The following DOK6 variants were observed in gnomAD, a reference collection of about 807,000 sequenced individuals.
DOK6 encodes the protein docking protein 6.
DOK6 carries 22 observed loss-of-function variants against 44.0 expected under a neutral mutation model. The ratio of observed to expected loss-of-function variants is 0.50; its 90% CI spans 0.36 to 0.71. The LOEUF (loss-of-function observed/expected upper bound fraction) is 0.71, where lower values mean the gene tolerates loss of function less well. DOK6 is among the 30% of genes least tolerant of loss of function. The pLI is 0.00. For missense variants in DOK6, 340 were observed against 416.4 expected (o/e 0.82, Z 1.60); for synonymous variants, 166 against 145.5 (o/e 1.14, Z -1.01).
At chr18:69,810,286 T>A (rs969741833) in intron 7 of DOK6, among the ~76,000 whole-genome samples, 13 of 151,994 alleles carry the variant, frequency 8.6e-5, no homozygotes, top group Non-Finnish European at 2.9e-5. Flanking sequence ...TTCAGACACA[T>A]CTCACATAAT....
chr18:69,830,626 T>C (rs1419402167), intron 7 of DOK6, among the ~76,000 whole-genome samples: 3 of 152,222 alleles, frequency 2.0e-5, no homozygotes, highest in African/African-American at 7.2e-5. Context: ...CATTTTATTA[T>C]GGCAGCCCCA....
At chr18:69,752,330 C>T (rs1979210532) in intron 6 of DOK6, among the ~76,000 whole-genome samples, 1 of 152,086 alleles carries the variant, frequency 6.6e-6, no homozygotes, top group Non-Finnish European at 1.5e-5. Flanking sequence ...GAATTGATGA[C>T]TTTTTAGGGG....
intron 3 of DOK6, among the ~76,000 whole-genome samples, chr18:69,674,825 C>T (rs1041380888): frequency 6.6e-6 from 1 of 152,112 alleles, no homozygotes; most frequent in Non-Finnish European, 1.5e-5. Flanking sequence ...CCACTAGACT[C>T]TATGATTATT....
At chr18:69,840,533 G>C (rs1010533176) in intron 7 of DOK6, among the ~76,000 whole-genome samples, 1 of 152,204 alleles carries the variant, frequency 6.6e-6, no homozygotes, top group Non-Finnish European at 1.5e-5. Context: ...TTCGGTTTGC[G>C]ATAGACTATT....
At chr18:69,554,036 A>G (rs895553424) in intron 1 of DOK6, among the ~76,000 whole-genome samples, 1 of 152,164 alleles carries the variant, frequency 6.6e-6, no homozygotes, top group Admixed American at 6.5e-5. Flanking sequence ...ACAAATAGGG[A>G]GCAATAATAA....
intron 1 of DOK6, among the ~76,000 whole-genome samples, chr18:69,455,194 G>GA (rs60602689): frequency 3.4e-4 from 48 of 141,502 alleles, no homozygotes; most frequent in Non-Finnish European, 4.4e-4. Flanking sequence ...AAGAAAAAAG[G>GA]AAAAAAAAAA....
intron 7 of DOK6, among the ~76,000 whole-genome samples, chr18:69,814,478 C>T (rs916228887): frequency 6.6e-6 from 1 of 152,080 alleles, no homozygotes; most frequent in Non-Finnish European, 1.5e-5. Context: ...CAATCTAGAT[C>T]CCTCCCCTGC....
At chr18:69,597,103 G>T (rs138418410) in intron 2 of DOK6, among the ~76,000 whole-genome samples, 1 of 151,560 alleles carries the variant, frequency 6.6e-6, no homozygotes, top group African/African-American at 2.4e-5. Context: ...TGTAATGTTG[G>T]GTTTGTAACA....
At chr18:69,613,031 C>T (rs1240182314) in intron 3 of DOK6, among the ~76,000 whole-genome samples, 3 of 151,826 alleles carry the variant, frequency 2.0e-5, no homozygotes, top group African/African-American at 7.3e-5. Flanking sequence ...CCACCATGCC[C>T]GGCTAATTTT....
At position 69,847,035 on chromosome 18, in the gene DOK6, G is replaced by C. The variant is rs1982359513; in HGVS notation, c.*5652G>C. On this transcript the variant is annotated 3_prime_UTR_variant, in exon 8 of 8. Coordinates refer to ENST00000382713, the MANE Select transcript of DOK6 (RefSeq NM_152721.6). ...TTCAGACACTTTTCTCCTACCTTAA[G>C]ATTTTAACATCTTGTAAATATTAAT... The C allele has an allele frequency of 6.6e-6, 1 of 152,038 alleles. No homozygotes were observed. The highest frequency in any genetic ancestry group is 1.5e-5 in the Non-Finnish European group (1 of 68,006). The allele number at this position is 152,038 out of a possible 1,614,324, so 9.4% of individuals were successfully genotyped here. A position where few individuals can be genotyped will look rare whatever the true frequency, so the allele number is the denominator to read the frequency against.
chr18:69,480,036 T>C (rs1980375151), intron 1 of DOK6, among the ~76,000 whole-genome samples: 1 of 152,144 alleles, frequency 6.6e-6, no homozygotes, highest in South Asian at 2.1e-4. Flanking sequence ...ACTAATGAGG[T>C]GTTACAGTCT....
intron 3 of DOK6, among the ~76,000 whole-genome samples, chr18:69,646,983 A>G (rs554495208): frequency 6.6e-6 from 1 of 152,218 alleles, no homozygotes; most frequent in South Asian, 2.1e-4. Context: ...TAATCTATCT[A>G]GCTATCTAAT....
rs1377656499 is a variant in DOK6 at position 69,506,702 on chromosome 18, CACAT to C, written c.67-57775_67-57772del. ...CATCTAGAATTGTGAGTAAACATTT[CACAT>C]ACATACATAAATTGTGTGGGAACAT... On this transcript the variant is annotated intron_variant, in intron 1 of 7. Coordinates refer to ENST00000382713, the MANE Select transcript of DOK6 (RefSeq NM_152721.6). Among the ~76,000 whole-genome samples the C allele has an allele frequency of 2.0e-5, 3 of 152,032 alleles. No individual in the cohort carries two copies. The East Asian group carries it at 5.8e-4, about 29-fold the overall frequency.
chr18:69,550,787 T>C (rs938641656), intron 1 of DOK6, among the ~76,000 whole-genome samples: 18 of 147,470 alleles, frequency 1.2e-4, no homozygotes, highest in Admixed American at 5.4e-4. Flanking sequence ...CTTTTTTTTT[T>C]TTTTTTTTTT....
chr18:69,792,211 C>T (rs529192971), intron 7 of DOK6, among the ~76,000 whole-genome samples: 60 of 152,064 alleles, frequency 3.9e-4, no homozygotes, highest in Non-Finnish European at 6.9e-4. Flanking sequence ...GTTCTTTTTG[C>T]TCAGGATAGC....
chr18:69,571,393 C>T (rs2144603190), intron 2 of DOK6, among the ~76,000 whole-genome samples: 1 of 151,806 alleles, frequency 6.6e-6, no homozygotes, highest in South Asian at 2.1e-4. Context: ...AAAGCCAATC[C>T]ATGAATAATT....
intron 3 of DOK6, among the ~76,000 whole-genome samples, chr18:69,651,155 G>A (rs1004858958): frequency 1.3e-5 from 2 of 152,088 alleles, no homozygotes; most frequent in Non-Finnish European, 2.9e-5. Context: ...ACAGACATCT[G>A]TGCCCGTCCT....
intron 1 of DOK6, among the ~76,000 whole-genome samples, chr18:69,532,235 A>G (rs1300974921): frequency 6.6e-6 from 1 of 152,320 alleles, no homozygotes; most frequent in South Asian, 2.1e-4. Flanking sequence ...CTATCTGAAC[A>G]GAGCTCTGGT....
rs1220729713 is a variant in DOK6, at chr18:69,846,480, C to G, written c.*5097C>G. On this transcript the variant is annotated 3_prime_UTR_variant, in exon 8 of 8. Transcript: ENST00000382713. ...TGTTTTCCCAGATTTTCAGATGCCT[C>G]TACTCTTGCTGAACTCATCACCAGC... is the stretch of plus-strand genomic sequence containing the variant. The G allele has an allele frequency of 6.6e-6, 1 of 152,150 alleles. No individual in the cohort carries two copies. The highest frequency in any genetic ancestry group is 2.4e-5 in the African/African-American group (1 of 41,430). The allele number at this position is 152,150 out of a possible 1,614,324, so 9.4% of individuals were successfully genotyped here.
Sources: allele counts gnomAD v4.1 joint callset (sites outside exome capture counted in the v4.1 genomes callset), GRCh38; gene constraint gnomAD v4.1.1; transcripts MANE v1.5; gene names NCBI Gene and HGNC (gene_info 2026-07-23, HGNC 2026-07-21).